Variants in CNTLN observed in about 807,000 individuals in gnomAD.
CNTLN encodes the protein centlein, centrosomal protein.
In CNTLN, 212 loss-of-function variants were observed where a neutral mutation model predicts 180.0. The observed-to-expected ratio is 1.18, with a 90% CI of 1.05 to 1.32. The LOEUF is 1.32. CNTLN is among the 40% of genes most tolerant of loss of function. The pLI, the probability that CNTLN is intolerant of heterozygous loss-of-function variation, is 0.00. For synonymous variants in CNTLN, 722 were observed against 563.1 expected, an observed-to-expected ratio of 1.28 and a Z score of -3.99; for missense variants, 2,095 against 1,610.9, an observed-to-expected ratio of 1.30 and a Z score of -5.14.
chr9:17,165,455 G>A (rs146441249), intron 2 of CNTLN, among the ~76,000 whole-genome samples: 434 of 152,278 alleles, frequency 2.9e-3, no homozygotes, highest in African/African-American at 0.01. Flanking sequence ...AACTGACTTA[G>A]CAGAATGGGG....
At chr9:17,287,169 GA>G (rs1418983124) in intron 6 of CNTLN, among the ~76,000 whole-genome samples, 2 of 148,424 alleles carry the variant, frequency 1.3e-5, no homozygotes, top group South Asian at 2.2e-4. Context: ...TTATTATTTT[GA>G]AATACGTCCC....
chr9:17,229,819 T>C (rs988206062), intron 3 of CNTLN, among the ~76,000 whole-genome samples: 1 of 152,146 alleles, frequency 6.6e-6, no homozygotes, highest in African/African-American at 2.4e-5. Context: ...ATAGGTTTTA[T>C]GTTTATCTGG....
chr9:17,265,040 C>A (rs865969322), intron 5 of CNTLN, among the ~76,000 whole-genome samples: 1 of 145,760 alleles, frequency 6.9e-6, no homozygotes, highest in Admixed American at 6.9e-5. Context: ...ATTTCCTTCT[C>A]CTGCCTAATT....
chr9:17,265,286 C>G (rs1385047216), intron 5 of CNTLN, among the ~76,000 whole-genome samples: 1 of 152,062 alleles, frequency 6.6e-6, no homozygotes, highest in East Asian at 1.9e-4. Context: ...TTTTCTGCAT[C>G]TTTTGAGATA....
intron 23 of CNTLN, among the ~76,000 whole-genome samples, chr9:17,481,770 A>G (rs969594227): frequency 2.0e-5 from 3 of 152,196 alleles, no homozygotes; most frequent in African/African-American, 7.2e-5. Context: ...AAGCAATTCT[A>G]GAGCCTAGCC....
At chr9:17,416,212 A>C in intron 18 of CNTLN, 23 bp downstream of exon 18, 1 of 1,533,514 alleles carries the variant, frequency 6.5e-7, no homozygotes, top group Non-Finnish European at 9.0e-7. Flanking sequence ...TTAAGATTGA[A>C]CAGTAGTATA....
chr9:17,424,584 G>A (rs1828951275), intron 18 of CNTLN, among the ~76,000 whole-genome samples: 1 of 152,124 alleles, frequency 6.6e-6, no homozygotes, highest in African/African-American at 2.4e-5. Context: ...TTTATAGTAG[G>A]CACTAAATAT....
In CNTLN at chr9:17,289,453, A is replaced by G. The variant is rs911118504; in HGVS notation, c.984-8737A>G. Among the ~76,000 whole-genome samples, 23 of 129,292 alleles carry G rather than the reference A, an allele frequency of 1.8e-4. 4 individuals are homozygous for G. Among genetic ancestry groups the G allele is most frequent in the Non-Finnish European group, 1.6e-5 (1 of 63,582 alleles). 84.8% of individuals were successfully genotyped at this position (129,292 alleles called of 152,430 possible). A position where few individuals can be genotyped will look rare whatever the true frequency, so the allele number is the denominator to read the frequency against. On this transcript the variant is annotated intron_variant, in intron 6 of 25. Coordinates refer to ENST00000380647, the MANE Select transcript of CNTLN (RefSeq NM_017738.4). ...GGCTGCCCTTAACATTTTTTCCTTC[A>G]TTTCAACTTTGGTGAATCTGACAAT...
At chr9:17,298,097 A>G in intron 6 of CNTLN, 93 bp from the exon 7 acceptor site, 1 of 1,075,330 alleles carries the variant, frequency 9.3e-7, no homozygotes. Flanking sequence ...GATGCAAAAC[A>G]GGATGCCAAT....
Position 17,330,889 on chromosome 9 carries a change from C to T in CNTLN, c.1518+81C>T, listed in dbSNP as rs924279174. The T allele has an allele frequency of 1.3e-5, 16 of 1,230,806 alleles. No individual in the cohort carries two copies. In the African/African-American group the frequency reaches 2.0e-4, roughly 16 times the overall value. The allele number at this position is 1,230,806 out of a possible 1,614,324, so 76.2% of individuals were successfully genotyped here. On this transcript the variant is annotated intron_variant, in intron 9 of 25. Transcript: ENST00000380647. ...GATGAAGTTAAAAAACAAATGGCAG[C>T]ATTTACTTCTCTGCTTGTATTTCGG...
intron 5 of CNTLN, among the ~76,000 whole-genome samples, chr9:17,266,060 T>C (rs968515511): frequency 3.3e-5 from 5 of 152,142 alleles, no homozygotes; most frequent in Admixed American, 6.5e-5. Context: ...CTGATGTTAG[T>C]TATTTCTTGC....
intron 6 of CNTLN, among the ~76,000 whole-genome samples, chr9:17,288,361 C>T (rs4263861): frequency 0.13 from 11,418 of 85,170 alleles, 1,302 homozygotes; most frequent in South Asian, 0.23. Flanking sequence ...GATTGCACTG[C>T]GGTCTGAGAG....
intron 5 of CNTLN, among the ~76,000 whole-genome samples, chr9:17,262,767 A>G (rs1272971328): frequency 6.6e-6 from 1 of 151,446 alleles, no homozygotes; most frequent in Admixed American, 6.6e-5. Context: ...AAGATTAGGT[A>G]TCTCTGTATT....
rs560009063 is a variant in CNTLN at position 17,268,110 on chromosome 9, C to G, written c.850-5623C>G. Reference sequence around the variant, plus strand: ...TCTGTCCTTTGGAGGAGGAGAGGTGCTCTGGTTTTTAGAGTTTCCAGTTTT... The same window carrying G: ...TCTGTCCTTTGGAGGAGGAGAGGTGGTCTGGTTTTTAGAGTTTCCAGTTTT... On this transcript the variant is annotated intron_variant, in intron 5 of 25. Coordinates refer to ENST00000380647, the MANE Select transcript of CNTLN (RefSeq NM_017738.4). Among the ~76,000 whole-genome samples the G allele has an allele frequency of 4.6e-5, 7 of 152,308 alleles. 1 individual carries two copies. In the East Asian group the frequency reaches 1.4e-3, roughly 29 times the overall value.
Position 17,430,857 on chromosome 9 carries a change from C to G in CNTLN, c.3114+14668C>G, listed in dbSNP as rs187123930. The stretch of plus-strand genomic sequence containing the variant: ...TTATCATAATGTCCCTCAGTTACTC[C>G]CATCTTATTGGAAATGACAGGATTT... On this transcript the variant is annotated intron_variant, in intron 18 of 25. Transcript: ENST00000380647. Among the ~76,000 whole-genome samples, 10 of 152,132 alleles carry G rather than the reference C, an allele frequency of 6.6e-5. No individual in the cohort carries two copies. The East Asian group carries it at 1.9e-3, about 29-fold the overall frequency.
At chr9:17,357,611 A>G (rs1349974098) in intron 12 of CNTLN, among the ~76,000 whole-genome samples, 7 of 86,284 alleles carry the variant, frequency 8.1e-5, no homozygotes, top group Admixed American at 5.8e-4. Flanking sequence ...ACATATATAT[A>G]TAAATACTAC....
At chr9:17,335,314 C>T (rs751784934) in intron 10 of CNTLN, among the ~76,000 whole-genome samples, 18 of 152,074 alleles carry the variant, frequency 1.2e-4, no homozygotes, top group African/African-American at 3.9e-4. Context: ...TTCAAGAGAT[C>T]GAGACCATCA....
At chr9:17,416,229 T>A in intron 18 of CNTLN, 40 bp downstream of exon 18, 2 of 1,463,612 alleles carry the variant, frequency 1.4e-6, no homozygotes, top group Non-Finnish European at 9.4e-7. Context: ...TATACTATAT[T>A]GTAAAAGTGG....
chr9:17,359,908 AT>A (rs1407265040), intron 12 of CNTLN, among the ~76,000 whole-genome samples: 2 of 151,462 alleles, frequency 1.3e-5, no homozygotes, highest in African/African-American at 2.4e-5. Context: ...AAAAAAAAAA[AT>A]AATAATAAAA....
Sources: allele counts gnomAD v4.1 joint callset (sites outside exome capture counted in the v4.1 genomes callset), GRCh38; gene constraint gnomAD v4.1.1; transcripts MANE v1.5; gene names NCBI Gene and HGNC (gene_info 2026-07-23, HGNC 2026-07-21).